GRM5: variants seen among roughly 807,000 people sequenced by gnomAD.
GRM5 encodes metabotropic glutamate receptor 5.
In GRM5, 19 loss-of-function variants were observed where a neutral mutation model predicts 83.1. The observed-to-expected ratio is 0.23, with a 90% CI of 0.16 to 0.34. The LOEUF (loss-of-function observed/expected upper bound fraction) is 0.34, where lower values mean the gene tolerates loss of function less well. Among genes scored for constraint, GRM5 ranks in the 10% least tolerant of loss-of-function variants. The pLI is 1.00. For synonymous variants in GRM5, 675 were observed against 633.6 expected (o/e 1.07, Z -0.98); for missense variants, 1,160 against 1,588.3 (o/e 0.73, Z 4.58).
At chr11:88,577,159 T>C (rs1000826140) in intron 7 of GRM5, among the ~76,000 whole-genome samples, 1 of 152,070 alleles carries the variant, frequency 6.6e-6, no homozygotes, top group Admixed American at 6.6e-5. Context: ...TGAAATTACA[T>C]TACCTTTCCT....
rs1206617407 is a variant in GRM5, at chr11:88,647,097, C to T, written c.1147+6071G>A. ...TGCTCCTGCATCAATCCAATCACTG[C>T]CTGTGTCATCCCATGGTGTCCTCCT... On this transcript the variant is annotated intron_variant, in intron 4 of 9. Transcript: ENST00000305447. Among the ~76,000 whole-genome samples, 4 of 152,130 alleles carry T rather than the reference C, an allele frequency of 2.6e-5. 1 individual carries two copies. The South Asian group carries it at 8.3e-4, about 32-fold the overall frequency.
chr11:88,858,582 C>A (rs1590917504), intron 2 of GRM5, among the ~76,000 whole-genome samples: 1 of 151,868 alleles, frequency 6.6e-6, no homozygotes, highest in South Asian at 2.1e-4. Flanking sequence ...AAGAAGAATA[C>A]GTGACAGTTT....
intron 4 of GRM5, among the ~76,000 whole-genome samples, chr11:88,631,117 A>G (rs1938957998): frequency 6.6e-6 from 1 of 152,200 alleles, no homozygotes; most frequent in Admixed American, 6.5e-5. Flanking sequence ...ACCTTCCCAC[A>G]TAGTTGTCAT....
intron 4 of GRM5, among the ~76,000 whole-genome samples, chr11:88,623,030 A>C (rs534041202): frequency 8.3e-4 from 126 of 152,258 alleles, no homozygotes; most frequent in Middle Eastern, 3.4e-3. Context: ...CTAGCAAGCA[A>C]CTGCTTGTTA....
At chr11:88,908,567 C>T (rs1198414703) in intron 2 of GRM5, among the ~76,000 whole-genome samples, 1 of 152,066 alleles carries the variant, frequency 6.6e-6, no homozygotes, top group African/African-American at 2.4e-5. Context: ...AAATAAGAGG[C>T]TATTTTTTGC....
At chr11:88,538,658 G>C (rs192285952) in intron 8 of GRM5, among the ~76,000 whole-genome samples, 2 of 152,262 alleles carry the variant, frequency 1.3e-5, no homozygotes, top group Admixed American at 1.3e-4. Context: ...GTCAGATGAA[G>C]CTAGATAATA....
intron 7 of GRM5, among the ~76,000 whole-genome samples, chr11:88,569,330 T>A (rs1942936895): frequency 6.6e-6 from 1 of 152,218 alleles, no homozygotes; most frequent in African/African-American, 2.4e-5. Context: ...AGGCAAGTAA[T>A]CTGGAGCATT....
chr11:88,508,564 C>A lies in GRM5; in HGVS notation c.*28G>T. Reference sequence around the variant, plus strand: ...AACACGGGGGGCTCCGCTCCGCACGCGCAGGCCGGCGTGCTTTCCAGGGAC... The same window carrying A: ...AACACGGGGGGCTCCGCTCCGCACGAGCAGGCCGGCGTGCTTTCCAGGGAC... On this transcript the variant is annotated 3_prime_UTR_variant, in exon 10 of 10. Transcript: ENST00000305447. This position sits in a 1 kb window ranked among gnomAD's most constrained non-coding sequence, Gnocchi z 4.2. 1.9e-6 allele frequency: 3 copies of A among 1,587,284 alleles called. No individual in the cohort carries two copies. Among genetic ancestry groups the A allele is most frequent in the East Asian group, 2.3e-5 (1 of 43,124 alleles).
intron 3 of GRM5, among the ~76,000 whole-genome samples, chr11:88,818,581 T>A (rs1943729842): frequency 6.6e-6 from 1 of 152,132 alleles, no homozygotes; most frequent in Admixed American, 6.5e-5. Flanking sequence ...TTTAAACACT[T>A]ATTACATAGA....
At chr11:88,924,091 C>A in intron 2 of GRM5, among the ~76,000 whole-genome samples, 1 of 149,774 alleles carries the variant, frequency 6.7e-6, no homozygotes, top group Non-Finnish European at 1.5e-5. Context: ...AAAATCAAAG[C>A]CACAGTGAGA....
At chr11:88,834,540 C>T (rs1944056599) in intron 3 of GRM5, among the ~76,000 whole-genome samples, 1 of 152,130 alleles carries the variant, frequency 6.6e-6, no homozygotes, top group African/African-American at 2.4e-5. Flanking sequence ...ACTGAAGAAA[C>T]TACATCTATT....
intron 7 of GRM5, among the ~76,000 whole-genome samples, chr11:88,587,327 GAGAAGACAATATGTAC>G (rs1943336697): frequency 6.6e-6 from 1 of 152,092 alleles, no homozygotes; most frequent in Admixed American, 6.6e-5. Context: ...ATTCCAGGTG[GAGAAGACAATATGTAC>G]ACAGACAGGG....
intron 3 of GRM5, among the ~76,000 whole-genome samples, chr11:88,830,720 A>C (rs1172287193): frequency 6.6e-6 from 1 of 152,210 alleles, no homozygotes; most frequent in Non-Finnish European, 1.5e-5. Flanking sequence ...ATGGCTCAAG[A>C]AAGGGAGGTC....
At chr11:88,924,130 T>C (rs1267983288) in intron 2 of GRM5, among the ~76,000 whole-genome samples, 21 of 18,886 alleles carry the variant, frequency 1.1e-3, no homozygotes, top group Non-Finnish European at 2.8e-3. Context: ...AGTATAGCTA[T>C]AATCAAAAAA....
intron 3 of GRM5, among the ~76,000 whole-genome samples, chr11:88,720,164 A>G (rs1941500701): frequency 6.6e-6 from 1 of 152,234 alleles, no homozygotes; most frequent in African/African-American, 2.4e-5. Context: ...CATGTCACGT[A>G]CAAAATCACA....
rs1941157357 is a variant in GRM5 at position 88,505,353 on chromosome 11, C to T, written c.*3239G>A. 6.6e-6 allele frequency: 1 copy of T among 152,150 alleles called. No individual in the cohort carries two copies. Among genetic ancestry groups the T allele is most frequent in the Admixed American group, 6.5e-5 (1 of 15,278 alleles). The allele number at this position is 152,150 out of a possible 1,614,324, so 9.4% of individuals were successfully genotyped here. A position where few individuals can be genotyped will look rare whatever the true frequency, so the allele number is the denominator to read the frequency against. On this transcript the variant is annotated 3_prime_UTR_variant, in exon 10 of 10. Coordinates refer to ENST00000305447, the MANE Select transcript of GRM5 (RefSeq NM_001143831.3). ...TGTTTTTTGTTATTCTTAAAAAGAG[C>T]ATTTAATTCCTGGCTTGGAAGTCAC... is the stretch of plus-strand genomic sequence containing the variant.
At chr11:88,864,139 T>A (rs542796057) in intron 2 of GRM5, among the ~76,000 whole-genome samples, 18 of 145,604 alleles carry the variant, frequency 1.2e-4, no homozygotes, top group African/African-American at 4.3e-4. Context: ...CATAGGCAGG[T>A]TAAAGTGGGT....
chr11:88,972,598 A>G (rs1218969289), intron 2 of GRM5, among the ~76,000 whole-genome samples: 1 of 152,118 alleles, frequency 6.6e-6, no homozygotes. Flanking sequence ...ATCTACAAAG[A>G]ATTATGGAAT....
intron 2 of GRM5, among the ~76,000 whole-genome samples, chr11:89,034,548 G>T (rs935136342): frequency 2.6e-5 from 4 of 151,788 alleles, no homozygotes; most frequent in African/African-American, 7.2e-5. Flanking sequence ...TCATGTGCTA[G>T]CAAGTGCTTC....
Sources: gnomAD v4.1 joint callset for allele counts (sites outside exome capture counted in the v4.1 genomes callset) on GRCh38, gnomAD v4.1.1 for gene constraint, Gnocchi (gnomAD v3.1) non-coding constraint, MANE v1.5 for transcripts, NCBI Gene and HGNC (gene_info 2026-07-23, HGNC 2026-07-21) for gene names.